WNT3: variants seen among roughly 807,000 people sequenced by gnomAD.
The protein encoded by WNT3 is proto-oncogene Wnt-3.
Under a neutral mutation model 34.2 loss-of-function variants are expected in WNT3, and 7 were observed. The observed-to-expected ratio is 0.20, with a 90% confidence interval of 0.12 to 0.38. The LOEUF is 0.38. Among genes scored for constraint, WNT3 ranks in the 10% least tolerant of loss-of-function variants. The pLI is 1.00. For missense variants in WNT3, 267 were observed against 499.8 expected (o/e 0.53, Z 4.44); for synonymous variants, 212 against 211.5 (o/e 1.00, Z -0.02).
chr17:46,790,877 A>AAAGGACAGGAT (rs2083976473), intron 1 of WNT3, among the ~76,000 whole-genome samples: 1 of 152,200 alleles, frequency 6.6e-6, no homozygotes, highest in African/African-American at 2.4e-5. Context: ...GTACATCGGA[A>AAAGGACAGGAT]AAGGACAGGA....
At chr17:46,811,682 C>T (rs2084277684) in intron 1 of WNT3, among the ~76,000 whole-genome samples, 2 of 152,224 alleles carry the variant, frequency 1.3e-5, no homozygotes, top group Middle Eastern at 3.4e-3. Context: ...TGGCTGGGTG[C>T]GGTGGCTCAC....
chr17:46,789,192 TG>T (rs1325216164), intron 1 of WNT3, among the ~76,000 whole-genome samples: 2 of 152,076 alleles, frequency 1.3e-5, no homozygotes, highest in African/African-American at 4.8e-5. Flanking sequence ...CTCCTCTTTA[TG>T]GGGGCCCAGA....
intron 1 of WNT3, among the ~76,000 whole-genome samples, chr17:46,804,634 G>A (rs1303319963): frequency 6.6e-6 from 1 of 152,244 alleles, no homozygotes; most frequent in Non-Finnish European, 1.5e-5. Flanking sequence ...AGAACAAGTA[G>A]TTAAAGGTGA....
chr17:46,768,263 T>C lies in WNT3; in HGVS notation c.*8+49A>G, dbSNP rs931739971. ...AAGACGAGATGGGCAAACAACCCCATTCCCTGCGCCCAGGCTCCCAGCCTC... is the reference window on the plus strand; with the variant it reads ...AAGACGAGATGGGCAAACAACCCCACTCCCTGCGCCCAGGCTCCCAGCCTC... On this transcript the variant is annotated intron_variant, in intron 4 of 4. Coordinates refer to ENST00000225512, the MANE Select transcript of WNT3 (RefSeq NM_030753.5). The surrounding 1 kb of genome is among the most constrained non-coding windows in gnomAD (Gnocchi z 5.0). 1.2e-6 allele frequency: 2 copies of C among 1,610,112 alleles called. No homozygotes were observed. The highest frequency in any genetic ancestry group is 1.3e-5 in the African/African-American group (1 of 74,836).
At chr17:46,790,177 G>A (rs534874230) in intron 1 of WNT3, among the ~76,000 whole-genome samples, 38 of 152,158 alleles carry the variant, frequency 2.5e-4, no homozygotes, top group African/African-American at 7.9e-4. Context: ...CCATTCCTCC[G>A]CAGGCTCCTT....
In WNT3 at chr17:46,763,289, G is replaced by C. The variant is rs2059283695; in HGVS notation, c.*1341C>G. On this transcript the variant is annotated 3_prime_UTR_variant, in exon 5 of 5. Transcript: ENST00000225512. ...TGTGAAATCCATGTGCCTCCCTTTT[G>C]CTAGCTTTCTCTAGGACGCTCAGCT... The C allele has an allele frequency of 6.6e-6, 1 of 152,258 alleles. No individual in the cohort carries two copies. Among genetic ancestry groups the C allele is most frequent in the Non-Finnish European group, 1.5e-5 (1 of 68,086 alleles). The allele number at this position is 152,258 out of a possible 1,614,324, so 9.4% of individuals were successfully genotyped here.
At chr17:46,813,033 C>T (rs1448510452) in intron 1 of WNT3, among the ~76,000 whole-genome samples, 2 of 152,080 alleles carry the variant, frequency 1.3e-5, no homozygotes, top group Non-Finnish European at 2.9e-5. Flanking sequence ...GGCCTGGCTC[C>T]AGAAGAGTGG....
chr17:46,815,093 C>G (rs1329550315), intron 1 of WNT3, among the ~76,000 whole-genome samples: 1 of 152,154 alleles, frequency 6.6e-6, no homozygotes, highest in Non-Finnish European at 1.5e-5. Flanking sequence ...CTCCAGCAGG[C>G]CCCCTCCATC....
At chr17:46,779,781 A>G (rs2059444846) in intron 1 of WNT3, among the ~76,000 whole-genome samples, 1 of 151,746 alleles carries the variant, frequency 6.6e-6, no homozygotes, top group South Asian at 2.1e-4. Flanking sequence ...TTTTTTTGAG[A>G]CAGAATCTTG....
intron 2 of WNT3, among the ~76,000 whole-genome samples, chr17:46,773,429 A>G (rs2059390289): frequency 6.6e-6 from 1 of 152,098 alleles, no homozygotes. Flanking sequence ...AAAAGCCAGG[A>G]AGGAAGTCTG....
chr17:46,793,298 A>AT (rs1327283051), intron 1 of WNT3, among the ~76,000 whole-genome samples: 1 of 150,494 alleles, frequency 6.6e-6, no homozygotes, highest in African/African-American at 2.4e-5. Context: ...AAAAAAAAAA[A>AT]AAATGAGGGG....
intron 1 of WNT3, among the ~76,000 whole-genome samples, chr17:46,788,794 C>T (rs901529106): frequency 8.6e-5 from 13 of 152,030 alleles, no homozygotes; most frequent in African/African-American, 3.1e-4. Context: ...TCAGCAGCCC[C>T]ACTGAGTGCC....
chr17:46,770,338 A>C (rs2059352614), intron 2 of WNT3, among the ~76,000 whole-genome samples: 2 of 152,178 alleles, frequency 1.3e-5, no homozygotes. Flanking sequence ...CGCCGACACC[A>C]AACCTCTGGC....
rs959891419 is a variant in WNT3, at chr17:46,811,261, C to A, written c.80+7257G>T. Reference sequence around the variant, plus strand: ...CTAAGCGGCCTTAGGTGTCATCGGGCGGGTTGTTGCATGGGTCAGTGTTAA... The same window carrying A: ...CTAAGCGGCCTTAGGTGTCATCGGGAGGGTTGTTGCATGGGTCAGTGTTAA... On this transcript the variant is annotated intron_variant, in intron 1 of 4. Coordinates refer to ENST00000225512, the MANE Select transcript of WNT3 (RefSeq NM_030753.5). Among the ~76,000 whole-genome samples, 2 of 151,460 alleles carry A rather than the reference C, an allele frequency of 1.3e-5. 1 individual carries two copies. The highest frequency in any genetic ancestry group is 1.3e-4 in the Admixed American group (2 of 15,194).
chr17:46,768,241 A>G lies in WNT3; in HGVS notation c.*8+71T>C. 6.2e-7 allele frequency: 1 copy of G among 1,602,100 alleles called. No homozygotes were observed. The highest frequency in any genetic ancestry group is 1.7e-5 in the Admixed American group (1 of 59,348). On this transcript the variant is annotated intron_variant, in intron 4 of 4. Transcript: ENST00000225512. This position sits in a 1 kb window ranked among gnomAD's most constrained non-coding sequence, Gnocchi z 5.0. ...GAAACAGAAGGGGGTCGTCAAGAAGACGAGATGGGCAAACAACCCCATTCC... is the reference window on the plus strand; with the variant it reads ...GAAACAGAAGGGGGTCGTCAAGAAGGCGAGATGGGCAAACAACCCCATTCC...
At chr17:46,796,545 G>A (rs1568089643) in intron 1 of WNT3, among the ~76,000 whole-genome samples, 1 of 152,222 alleles carries the variant, frequency 6.6e-6, no homozygotes, top group South Asian at 2.1e-4. Context: ...AGTTGGATGA[G>A]AGATCCCATC....
chr17:46,806,352 G>A (rs972497220), intron 1 of WNT3, among the ~76,000 whole-genome samples: 1 of 151,852 alleles, frequency 6.6e-6, no homozygotes, highest in African/African-American at 2.4e-5. Context: ...TGGGATTACA[G>A]GCACGTGCCA....
Position 46,773,752 on chromosome 17 carries a change from A to C in WNT3, c.238T>G (p.Cys80Gly), listed in dbSNP as rs1248506791. The C allele has an allele frequency of 6.2e-7, 1 of 1,612,112 alleles. No individual in the cohort carries two copies. ...CGGCGGCCCCGGAACTGGTGCTGGC[A>C]CTCCTGGATGCCCAGCTTCACGCCC... ...AEGVKLGIQE[C>G]QHQFRGRRWN... Residue 80 changes from cysteine to glycine, a missense_variant, in exon 2 of 5, where the codon TGC becomes GGC. This residue lies in a region of WNT3 where 181 missense variants were observed against 391.3 expected (regional missense o/e 0.46). Transcript: ENST00000225512.
intron 1 of WNT3, among the ~76,000 whole-genome samples, chr17:46,787,547 G>GA (rs1294270296): frequency 2.0e-5 from 3 of 152,338 alleles, no homozygotes; most frequent in Admixed American, 2.0e-4. Flanking sequence ...CTGACTCCCA[G>GA]CCAGAGCTTG....
Sources: gnomAD v4.1 joint callset for allele counts (sites outside exome capture counted in the v4.1 genomes callset) on GRCh38, gnomAD v4.1.1 for gene constraint, gnomAD v4.1.1 regional missense constraint, Gnocchi (gnomAD v3.1) non-coding constraint, MANE v1.5 for transcripts, NCBI Gene and HGNC (gene_info 2026-07-23, HGNC 2026-07-21) for gene names.